The following DRC1 variants were observed in gnomAD, a reference collection of about 807,000 sequenced individuals.
DRC1 encodes dynein regulatory complex subunit 1, also known as dynein regulatory complex protein 1.
A neutral mutation model predicts 98.7 loss-of-function variants in DRC1; 74 were observed. That is an observed-to-expected ratio of 0.75 (90% CI 0.62 to 0.91). The LOEUF (loss-of-function observed/expected upper bound fraction) is 0.91, where lower values mean the gene tolerates loss of function less well. DRC1 is among the 40% of genes least tolerant of loss of function. The pLI, the probability that DRC1 is intolerant of heterozygous loss-of-function variation, is 0.00. For missense variants in DRC1, 875 were observed against 886.0 expected (o/e 0.99, Z 0.16); for synonymous variants, 336 against 334.1 (o/e 1.01, Z -0.06).
intron 1 of DRC1, among the ~76,000 whole-genome samples, chr2:26,405,195 T>C (rs1678377176): frequency 6.6e-6 from 1 of 152,186 alleles, no homozygotes; most frequent in African/African-American, 2.4e-5. Flanking sequence ...GCTGCTTTCT[T>C]TGGTGAGCAC....
At chr2:26,437,721 TAC>T (rs750415119) in intron 7 of DRC1, among the ~76,000 whole-genome samples, 8 of 151,180 alleles carry the variant, frequency 5.3e-5, no homozygotes, top group Non-Finnish European at 8.9e-5. Flanking sequence ...TATATATATA[TAC>T]ACACACACAC....
chr2:26,428,292 T>C (rs1358547632), intron 4 of DRC1, among the ~76,000 whole-genome samples: 1 of 152,248 alleles, frequency 6.6e-6, no homozygotes, highest in Non-Finnish European at 1.5e-5. Flanking sequence ...TTCTGAGAAA[T>C]GCATTGTTAG....
chr2:26,411,539 C>A (rs894131034), intron 1 of DRC1, among the ~76,000 whole-genome samples: 3 of 148,588 alleles, frequency 2.0e-5, no homozygotes, highest in South Asian at 2.2e-4. Flanking sequence ...AAAAATGATG[C>A]ATAAAAGACA....
At position 26,402,019 on chromosome 2, in the gene DRC1, G is replaced by C. The variant is rs963543376; in HGVS notation, c.30G>C (p.Leu10=). The C allele has an allele frequency of 6.2e-7, 1 of 1,611,238 alleles. No individual in the cohort carries two copies. The highest frequency in any genetic ancestry group is 8.5e-7 in the Non-Finnish European group (1 of 1,179,022). Residue 10 remains leucine, a synonymous_variant, in exon 1 of 17, where the codon CTG becomes CTC. Coordinates refer to ENST00000288710, the MANE Select transcript of DRC1 (RefSeq NM_145038.5). MNPPGSLEA[L]DPNVDEHLST... ...ATCCGCCGGGGTCCCTAGAGGCCCTGGACCCGAACGTGGACGAGCACTTGT... is the reference window on the plus strand; with the variant it reads ...ATCCGCCGGGGTCCCTAGAGGCCCTCGACCCGAACGTGGACGAGCACTTGT...
At position 26,451,854 on chromosome 2, in the gene DRC1, G is replaced by A. The variant is rs544345184; in HGVS notation, c.1689+1173G>A. Among the ~76,000 whole-genome samples, 3 of 152,270 alleles carry A rather than the reference G, an allele frequency of 2.0e-5. No homozygotes were observed. In the South Asian group the frequency reaches 6.2e-4, roughly 32 times the overall value. Reference sequence around the variant, plus strand: ...GTTAAGAGATGAATGACAAGCTGCAGAGAAATATTTTCAACTCATATCATA... The same window carrying A: ...GTTAAGAGATGAATGACAAGCTGCAAAGAAATATTTTCAACTCATATCATA... On this transcript the variant is annotated intron_variant, in intron 13 of 16. Coordinates refer to ENST00000288710, the MANE Select transcript of DRC1 (RefSeq NM_145038.5).
intron 8 of DRC1, 116 bp downstream of exon 8, chr2:26,440,633 T>C (rs749694194): frequency 2.6e-5 from 33 of 1,279,868 alleles, no homozygotes; most frequent in Middle Eastern, 5.1e-4. Context: ...CCAACACTTA[T>C]TAAAATAGTT....
chr2:26,444,624 C>T, intron 9 of DRC1, 92 bp from the exon 10 acceptor site: 3 of 1,266,320 alleles, frequency 2.4e-6, no homozygotes, highest in Non-Finnish European at 2.2e-6. Flanking sequence ...ATTAGCACAG[C>T]TCCTTTTCAT....
At chr2:26,432,069 T>C in intron 7 of DRC1, 63 bp downstream of exon 7, 1 of 1,564,690 alleles carries the variant, frequency 6.4e-7, no homozygotes, top group Non-Finnish European at 8.7e-7. Context: ...CACCTGTGAA[T>C]GTTTCATATT....
At chr2:26,439,466 T>C (rs973048173) in intron 7 of DRC1, among the ~76,000 whole-genome samples, 4 of 152,170 alleles carry the variant, frequency 2.6e-5, no homozygotes, top group African/African-American at 7.2e-5. Flanking sequence ...GTATCTGACA[T>C]AGATTAGGCA....
chr2:26,409,272 C>T (rs1356436111), intron 1 of DRC1, among the ~76,000 whole-genome samples: 1 of 152,180 alleles, frequency 6.6e-6, no homozygotes, highest in African/African-American at 2.4e-5. Flanking sequence ...ATTTGTCACA[C>T]TATTAAAATT....
intron 10 of DRC1, chr2:26,448,409 A>T (rs907616523): frequency 5.2e-6 from 3 of 580,270 alleles, no homozygotes; most frequent in Non-Finnish European, 1.0e-5. Context: ...CTGGATTTTG[A>T]GTATGATGTT....
chr2:26,456,606 T>C lies in DRC1; in HGVS notation c.*89T>C, dbSNP rs1664184904. The C allele has an allele frequency of 6.6e-7, 1 of 1,508,196 alleles. No homozygotes were observed. Among genetic ancestry groups the C allele is most frequent in the South Asian group, 1.1e-5 (1 of 87,416 alleles). 93.4% of individuals were successfully genotyped at this position (1,508,196 alleles called of 1,614,324 possible). ...CTCATATCACCCACTGGGCCGCACC[T>C]GGGCCTGCTCTCTGGATTTTCCAGG... On this transcript the variant is annotated 3_prime_UTR_variant, in exon 17 of 17. Transcript: ENST00000288710.
chr2:26,419,991 G>A (rs941389128), intron 2 of DRC1, among the ~76,000 whole-genome samples: 1 of 152,192 alleles, frequency 6.6e-6, no homozygotes, highest in African/African-American at 2.4e-5. Context: ...CAGGACAGAA[G>A]CTTGTTTCTC....
chr2:26,424,562 A>T (rs1663235836), intron 4 of DRC1, 108 bp downstream of exon 4: 1 of 1,098,366 alleles, frequency 9.1e-7, no homozygotes, highest in East Asian at 2.5e-5. Flanking sequence ...CTTTTACTTC[A>T]TTATTTAGAA....
chr2:26,431,161 G>C (rs1410283196), intron 6 of DRC1, among the ~76,000 whole-genome samples: 1 of 152,024 alleles, frequency 6.6e-6, no homozygotes, highest in Non-Finnish European at 1.5e-5. Context: ...TCACCATGTT[G>C]ACCAGGATGG....
intron 1 of DRC1, among the ~76,000 whole-genome samples, chr2:26,407,769 C>T (rs1209918730): frequency 1.3e-5 from 2 of 152,048 alleles, no homozygotes; most frequent in Non-Finnish European, 2.9e-5. Flanking sequence ...CCTGAGACTG[C>T]ACAGATCCTG....
In DRC1 at chr2:26,456,646, C is replaced by A; in HGVS notation, c.*129C>A. The A allele has an allele frequency of 9.2e-7, 1 of 1,085,128 alleles. No individual in the cohort carries two copies. The highest frequency in any genetic ancestry group is 1.4e-6 in the Non-Finnish European group (1 of 738,836). 67.2% of individuals were successfully genotyped at this position (1,085,128 alleles called of 1,614,324 possible). ...GATTTTCCAGGGCTGTCTTTATAGC[C>A]TGTCGAAATAAGGAGCCAGAGGAGT... On this transcript the variant is annotated 3_prime_UTR_variant, in exon 17 of 17. Transcript: ENST00000288710.
In DRC1 at chr2:26,454,616, A is replaced by G; in HGVS notation, c.1920-31A>G. ...TGGGGGCCTGGGTAGTACCCAATGG[A>G]CATGACAATCACTGTGCTCTTGGCC... On this transcript the variant is annotated intron_variant, in intron 14 of 16. Transcript: ENST00000288710. The surrounding 1 kb of genome is among the most constrained non-coding windows in gnomAD (Gnocchi z 5.2). 6.2e-7 allele frequency: 1 copy of G among 1,612,558 alleles called. No individual in the cohort carries two copies.
chr2:26,433,226 G>A lies in DRC1; in HGVS notation c.888+1220G>A, dbSNP rs140892546. 2.6e-3 allele frequency among the ~76,000 whole-genome samples: 390 copies of A among 152,334 alleles called. 1 individual carries two copies. The highest frequency in any genetic ancestry group is 3.9e-3 in the Non-Finnish European group (262 of 68,028). On this transcript the variant is annotated intron_variant, in intron 7 of 16. Coordinates refer to ENST00000288710, the MANE Select transcript of DRC1 (RefSeq NM_145038.5). ...AATGTATCTCTAATTACATGTAGAT[G>A]TAATGTAATTGCATCTTAATATTCA...
Sources: gnomAD v4.1 joint callset for allele counts (sites outside exome capture counted in the v4.1 genomes callset) on GRCh38, gnomAD v4.1.1 for gene constraint, Gnocchi (gnomAD v3.1) non-coding constraint, MANE v1.5 for transcripts, NCBI Gene and HGNC (gene_info 2026-07-23, HGNC 2026-07-21) for gene names.